The following TACC2 variants were observed in gnomAD, a reference collection of about 807,000 sequenced individuals.
TACC2 encodes transforming acidic coiled-coil-containing protein 2.
In TACC2, 137 loss-of-function variants were observed where a neutral mutation model predicts 227.3. The ratio of observed to expected loss-of-function variants is 0.60; its 90% CI spans 0.52 to 0.69. The LOEUF is 0.69. Among genes scored for constraint, TACC2 ranks in the 30% least tolerant of loss-of-function variants. The pLI is 0.00. For synonymous variants in TACC2, 1,523 were observed against 1,487.5 expected (o/e 1.02, Z -0.55); for missense variants, 3,470 against 3,694.4 (o/e 0.94, Z 1.57).
At chr10:122,009,335 A>G (rs1490023839) in intron 1 of TACC2, among the ~76,000 whole-genome samples, 1 of 152,154 alleles carries the variant, frequency 6.6e-6, no homozygotes, top group African/African-American at 2.4e-5. Flanking sequence ...AAGCTAACTT[A>G]AAAACAAACA....
At chr10:121,998,270 C>A (rs1289854916) in intron 1 of TACC2, among the ~76,000 whole-genome samples, 1 of 149,620 alleles carries the variant, frequency 6.7e-6, no homozygotes, top group African/African-American at 2.5e-5. Context: ...TGAGATCACA[C>A]CACTGCACTC....
intron 1 of TACC2, among the ~76,000 whole-genome samples, chr10:122,008,246 G>GTTA (rs1554958021): frequency 1.5e-4 from 17 of 111,880 alleles, no homozygotes; most frequent in African/African-American, 4.2e-4. Context: ...CTATCCCTTT[G>GTTA]TTATTATTAT....
chr10:122,017,316 C>T (rs1323278052), intron 1 of TACC2, among the ~76,000 whole-genome samples: 2 of 152,114 alleles, frequency 1.3e-5, no homozygotes, highest in South Asian at 4.1e-4. Flanking sequence ...ATTGCACATG[C>T]GTCGCCTGCG....
At chr10:122,136,262 C>T (rs1222527664) in intron 6 of TACC2, among the ~76,000 whole-genome samples, 1 of 151,710 alleles carries the variant, frequency 6.6e-6, no homozygotes, top group Non-Finnish European at 1.5e-5. Flanking sequence ...CTTCACCTTG[C>T]CCATCTGCTG....
Position 122,211,051 on chromosome 10 carries a change from G to A in TACC2, c.6626G>A (p.Ser2209Asn). The A allele has an allele frequency of 1.2e-6, 2 of 1,612,842 alleles. No individual in the cohort carries two copies. The highest frequency in any genetic ancestry group is 3.3e-5 in the Admixed American group (2 of 59,792). ...PKAACPLDSE[S>N]AEGVVPPASG... is the part of the protein sequence containing the mutation. ...GCTGCCTGCCCTCTGGACTCAGAGA[G>A]TGCAGAAGGGGTTGTCCCCCCGGCT... The change falls in exon 9 of 23, where the codon AGT becomes AAT. Residue 2209 changes from serine (S) to asparagine (N), a missense_variant. Coordinates refer to ENST00000369005, the MANE Select transcript of TACC2 (RefSeq NM_206862.4).
At chr10:122,078,910 G>C (rs1797774235) in intron 3 of TACC2, 1 of 152,178 alleles carries the variant, frequency 6.6e-6, no homozygotes, top group African/African-American at 2.4e-5. Flanking sequence ...ATTTGTTCCT[G>C]GTTGCTTTCT....
At chr10:122,249,222 G>T (rs1201454287) in intron 21 of TACC2, 66 bp downstream of exon 21, 3 of 1,237,946 alleles carry the variant, frequency 2.4e-6, no homozygotes, top group Non-Finnish European at 3.5e-6. Context: ...CAGGCAGGCT[G>T]GGACCTCTGG....
At chr10:122,204,725 A>C (rs2095044767) in intron 8 of TACC2, among the ~76,000 whole-genome samples, 1 of 152,116 alleles carries the variant, frequency 6.6e-6, no homozygotes. Context: ...CTAGCCACTT[A>C]GGAGGGTGAA....
intron 6 of TACC2, among the ~76,000 whole-genome samples, chr10:122,138,899 AAAT>A (rs1392357294): frequency 1.3e-5 from 2 of 152,202 alleles, no homozygotes; most frequent in East Asian, 3.9e-4. Context: ...CTTTCTGAAT[AAAT>A]AATCTTGGAT....
chr10:122,241,883 C>A, intron 18 of TACC2, 75 bp from the exon 19 acceptor site: 4 of 1,395,428 alleles, frequency 2.9e-6, no homozygotes, highest in Non-Finnish European at 3.1e-6. Flanking sequence ...ATGGGTCAGG[C>A]TGTGGCGTCC....
At chr10:122,002,824 T>A (rs1276601667) in intron 1 of TACC2, among the ~76,000 whole-genome samples, 1 of 152,208 alleles carries the variant, frequency 6.6e-6, no homozygotes, top group Admixed American at 6.5e-5. Flanking sequence ...TATTTCCCTC[T>A]TGTAATTTTG....
At chr10:122,190,967 C>T (rs528519726) in intron 7 of TACC2, among the ~76,000 whole-genome samples, 5 of 152,258 alleles carry the variant, frequency 3.3e-5, no homozygotes, top group African/African-American at 7.2e-5. Flanking sequence ...ACAGATGTAG[C>T]GAAAAGGGCA....
At position 122,087,197 on chromosome 10, in the gene TACC2, C is replaced by T; in HGVS notation, c.4697C>T (p.Thr1566Ile). ...TCAGGTCTTCCTTCACCAGCAGCTA[C>T]TCAGGAGCTCCCTGTGGAGAGAGCT... Reference protein sequence around the residue: ...LASGLPSPAATQELPVERAAA... With the variant: ...LASGLPSPAAIQELPVERAAA... The change falls in exon 4 of 23, where the codon ACT (threonine) becomes ATT (isoleucine). Residue 1566 changes from threonine (T) to isoleucine (I), a missense_variant. Thr to Ile is a moderately conservative substitution (Grantham distance 89). This residue lies in a region of TACC2 where 1,924 missense variants were observed against 1,978.3 expected (regional missense o/e 0.97). Coordinates refer to ENST00000369005, the MANE Select transcript of TACC2 (RefSeq NM_206862.4). The T allele has an allele frequency of 1.9e-6, 3 of 1,612,244 alleles. No individual in the cohort carries two copies. Among genetic ancestry groups the T allele is most frequent in the Non-Finnish European group, 2.5e-6 (3 of 1,179,346 alleles).
At chr10:122,079,495 T>C (rs1334534523) in intron 3 of TACC2, among the ~76,000 whole-genome samples, 1 of 152,210 alleles carries the variant, frequency 6.6e-6, no homozygotes, top group Non-Finnish European at 1.5e-5. Context: ...GTTGAGACAG[T>C]AGCCAGCTCT....
rs142578469 is a variant in TACC2, at chr10:122,143,634, C to T, written c.5762C>T (p.Pro1921Leu). ...TCGGCTGCAGAACACATAGTTTCGC[C>T]ATCTGCCCCAGCTGGTGACAGAGTA... ...PPSAAEHIVS[P>L]SAPAGDRVEA... is the part of the protein sequence containing the mutation. The change falls in exon 7 of 23, where the codon CCA (proline) becomes CTA (leucine). Residue 1921 changes from proline (P) to leucine (L), a missense_variant. By Grantham distance (98) the Pro-to-Leu change is moderately conservative. Coordinates refer to ENST00000369005, the MANE Select transcript of TACC2 (RefSeq NM_206862.4). The T allele has an allele frequency of 1.6e-3, 2,609 of 1,614,098 alleles. 4 individuals are homozygous for T. Among genetic ancestry groups the T allele is most frequent in the Non-Finnish European group, 2.0e-3 (2,393 of 1,179,948 alleles).
intron 6 of TACC2, among the ~76,000 whole-genome samples, chr10:122,142,059 C>CA (rs1216960913): frequency 1.3e-5 from 2 of 152,226 alleles, no homozygotes; most frequent in Non-Finnish European, 2.9e-5. Context: ...AATAGTTTGA[C>CA]AAAGGAGGCC....
chr10:122,062,996 T>G (rs373391227), intron 3 of TACC2, among the ~76,000 whole-genome samples: 1 of 152,102 alleles, frequency 6.6e-6, no homozygotes, highest in Non-Finnish European at 1.5e-5. Flanking sequence ...ACAGACAGAA[T>G]GTGGCAGGGC....
intron 7 of TACC2, among the ~76,000 whole-genome samples, chr10:122,182,891 C>G (rs914775342): frequency 6.6e-6 from 1 of 152,092 alleles, no homozygotes; most frequent in African/African-American, 2.4e-5. Context: ...AAGATACATT[C>G]GATGTAAACA....
In TACC2 at chr10:122,180,006, G is replaced by T. The variant is rs1303573460; in HGVS notation, c.5835-15034G>T. The stretch of plus-strand genomic sequence containing the variant: ...GGCTGAGGTTCAGAGGATCGCTTGA[G>T]CCCAAGAGGTCGAGGCTGCAGTGAG... On this transcript the variant is annotated intron_variant, in intron 7 of 22. Coordinates refer to ENST00000369005, the MANE Select transcript of TACC2 (RefSeq NM_206862.4). This position sits in a 1 kb window ranked among gnomAD's most constrained non-coding sequence, Gnocchi z 4.5. 6.6e-6 allele frequency among the ~76,000 whole-genome samples: 1 copy of T among 152,012 alleles called. No homozygotes were observed. Among genetic ancestry groups the T allele is most frequent in the Admixed American group, 6.6e-5 (1 of 15,266 alleles).
Sources: allele counts gnomAD v4.1 joint callset (sites outside exome capture counted in the v4.1 genomes callset), GRCh38; gene constraint gnomAD v4.1.1; regional missense constraint gnomAD v4.1.1; non-coding constraint Gnocchi (gnomAD v3.1); transcripts MANE v1.5; gene names NCBI Gene and HGNC (gene_info 2026-07-23, HGNC 2026-07-21).